Variants in FSTL5 observed in about 807,000 individuals in gnomAD.
The protein encoded by FSTL5 is follistatin-related protein 5.
A neutral mutation model predicts 89.1 loss-of-function variants in FSTL5; 62 were observed. The observed-to-expected ratio is 0.70, with a 90% CI of 0.57 to 0.86. The LOEUF is 0.86. Among genes scored for constraint, FSTL5 ranks in the 40% least tolerant of loss-of-function variants. The probability of loss-of-function intolerance (pLI) is 0.00; values close to 1 mark genes in which losing one functional copy is unlikely to be tolerated. For missense variants in FSTL5, 1,057 were observed against 1,001.6 expected (o/e 1.06, Z -0.75); for synonymous variants, 383 against 346.2 (o/e 1.11, Z -1.18).
rs531236804 is a variant in FSTL5, at chr4:161,902,890, T to C, written c.409+17514A>G. ...TAATAATTTCCAAAATAAAAACTTC[T>C]GTGGGTATACTTAATTCTTGCCTAC... On this transcript the variant is annotated intron_variant, in intron 4 of 15. Coordinates refer to ENST00000306100, the MANE Select transcript of FSTL5 (RefSeq NM_020116.5). Among the ~76,000 whole-genome samples the C allele has an allele frequency of 1.1e-4, 16 of 152,270 alleles. No individual in the cohort carries two copies. The South Asian group carries it at 2.1e-3, about 20-fold the overall frequency.
intron 2 of FSTL5, among the ~76,000 whole-genome samples, chr4:162,109,747 C>T (rs371641876): frequency 2.0e-5 from 3 of 151,908 alleles, no homozygotes; most frequent in South Asian, 2.1e-4. Flanking sequence ...ATTTTTCTGC[C>T]GTTGATTTAA....
At chr4:162,047,325 C>A (rs1025102688) in intron 2 of FSTL5, 2 of 152,032 alleles carry the variant, frequency 1.3e-5, no homozygotes, top group Non-Finnish European at 2.9e-5. Context: ...ATCATTCTTA[C>A]TATGTAGCAT....
At chr4:161,423,296 T>A (rs1472797229) in intron 15 of FSTL5, among the ~76,000 whole-genome samples, 1 of 152,224 alleles carries the variant, frequency 6.6e-6, no homozygotes, top group African/African-American at 2.4e-5. Flanking sequence ...CTGGAAATAG[T>A]CTTCTAAAAT....
intron 5 of FSTL5, among the ~76,000 whole-genome samples, chr4:161,759,852 G>A (rs1322635806): frequency 1.3e-5 from 2 of 151,426 alleles, no homozygotes; most frequent in African/African-American, 4.9e-5. Flanking sequence ...CATTTATACT[G>A]ACTCAAGGAA....
chr4:162,101,960 C>T (rs1731012617), intron 2 of FSTL5, among the ~76,000 whole-genome samples: 2 of 152,148 alleles, frequency 1.3e-5, no homozygotes, highest in African/African-American at 4.8e-5. Flanking sequence ...CTATTTTTAA[C>T]TCATAACCCT....
chr4:161,836,959 G>A (rs948801455), intron 4 of FSTL5, among the ~76,000 whole-genome samples: 23 of 151,984 alleles, frequency 1.5e-4, no homozygotes, highest in Admixed American at 1.2e-3. Flanking sequence ...GTAATGAGTC[G>A]GGCCTGGGTG....
chr4:161,496,287 G>C (rs1730065641), intron 12 of FSTL5, among the ~76,000 whole-genome samples: 1 of 152,140 alleles, frequency 6.6e-6, no homozygotes, highest in Non-Finnish European at 1.5e-5. Context: ...ACAAGTGATA[G>C]GAAGATGTGA....
intron 1 of FSTL5, among the ~76,000 whole-genome samples, chr4:162,129,361 C>T (rs537180551): frequency 6.6e-6 from 1 of 152,270 alleles, no homozygotes; most frequent in East Asian, 1.9e-4. Context: ...AGCTTTAAAA[C>T]AATATCTCCC....
chr4:161,834,622 A>G (rs1209533732), intron 4 of FSTL5, among the ~76,000 whole-genome samples: 2 of 152,176 alleles, frequency 1.3e-5, no homozygotes, highest in Non-Finnish European at 2.9e-5. Context: ...TACAAAATCA[A>G]TGTACAAAAA....
At chr4:161,429,624 T>A (rs1351264714) in intron 15 of FSTL5, among the ~76,000 whole-genome samples, 4 of 152,160 alleles carry the variant, frequency 2.6e-5, no homozygotes, top group African/African-American at 7.2e-5. Flanking sequence ...ACTTTCTGAG[T>A]CTGCAGGAGC....
chr4:161,679,887 T>TAAACAATATTAAACTGAGTACA (rs1203402624), intron 6 of FSTL5, among the ~76,000 whole-genome samples: 2 of 151,858 alleles, frequency 1.3e-5, no homozygotes, highest in African/African-American at 4.8e-5. Context: ...AAAACAATAT[T>TAAACAATATTAAACTGAGTACA]AAACAATATT....
chr4:161,912,425 G>C (rs754307805), intron 4 of FSTL5, among the ~76,000 whole-genome samples: 3 of 152,124 alleles, frequency 2.0e-5, no homozygotes, highest in Non-Finnish European at 4.4e-5. Context: ...AGTCTTTCCT[G>C]TGCTATTCTC....
At chr4:162,013,949 C>G (rs1007390567) in intron 3 of FSTL5, among the ~76,000 whole-genome samples, 1 of 152,100 alleles carries the variant, frequency 6.6e-6, no homozygotes, top group Non-Finnish European at 1.5e-5. Context: ...AAACTAAGAG[C>G]CTCATGGATC....
chr4:162,111,368 ACCAAGACAAC>A lies in FSTL5; in HGVS notation c.19_28del (p.Val7PhefsTer27). On this transcript the variant is annotated frameshift_variant, in exon 2 of 16. Coordinates refer to ENST00000306100, the MANE Select transcript of FSTL5 (RefSeq NM_020116.5). LOFTEE classifies it high-confidence loss of function. ...CGACTCCAGAAAAATGAATCCGAGAACCAAGACAACTGACCAGCACTTAAACATCCTTATT... is the reference window on the plus strand; with the variant it reads ...CGACTCCAGAAAAATGAATCCGAGAATGACCAGCACTTAAACATCCTTATT... The A allele has an allele frequency of 2.5e-6, 4 of 1,612,652 alleles. No individual in the cohort carries two copies. Among genetic ancestry groups the A allele is most frequent in the Non-Finnish European group, 3.4e-6 (4 of 1,178,998 alleles).
chr4:161,792,868 G>T (rs1166270122), intron 4 of FSTL5, among the ~76,000 whole-genome samples: 2 of 152,206 alleles, frequency 1.3e-5, no homozygotes, highest in Non-Finnish European at 2.9e-5. Flanking sequence ...ACTTAAAAGA[G>T]CTGTAACACA....
At chr4:162,056,309 G>C (rs563258856) in intron 2 of FSTL5, among the ~76,000 whole-genome samples, 5 of 152,128 alleles carry the variant, frequency 3.3e-5, no homozygotes, top group African/African-American at 1.2e-4. Flanking sequence ...TTCATCAGAT[G>C]ATGAGTAATA....
intron 15 of FSTL5, among the ~76,000 whole-genome samples, chr4:161,435,341 T>A (rs909074221): frequency 2.6e-5 from 4 of 152,126 alleles, no homozygotes; most frequent in African/African-American, 9.7e-5. Context: ...ACATCACATG[T>A]TCTCATTTAT....
At chr4:161,758,836 A>C (rs1342564852) in intron 6 of FSTL5, among the ~76,000 whole-genome samples, 1 of 152,176 alleles carries the variant, frequency 6.6e-6, no homozygotes, top group African/African-American at 2.4e-5. Flanking sequence ...ATTATTTTTA[A>C]AGAATAACCT....
At chr4:162,101,541 A>G (rs546833611) in intron 2 of FSTL5, among the ~76,000 whole-genome samples, 4 of 152,282 alleles carry the variant, frequency 2.6e-5, no homozygotes, top group African/African-American at 9.6e-5. Context: ...GTCATCATCA[A>G]CTTAAAAATC....
Sources: gnomAD v4.1 joint callset for allele counts (sites outside exome capture counted in the v4.1 genomes callset) on GRCh38, gnomAD v4.1.1 for gene constraint, MANE v1.5 for transcripts, NCBI Gene and HGNC (gene_info 2026-07-23, HGNC 2026-07-21) for gene names.